Variants in RBPJ observed in about 807,000 individuals in gnomAD.
RBPJ encodes recombining binding protein suppressor of hairless.
RBPJ carries 9 observed loss-of-function variants against 67.8 expected under a neutral mutation model. The observed-to-expected ratio is 0.13, with a 90% CI of 0.08 to 0.23. The LOEUF is 0.23. Ranked by LOEUF, RBPJ falls within the 10% of genes least tolerant of loss-of-function variation. RBPJ has a pLI of 1.00. For missense variants in RBPJ, 305 were observed against 595.6 expected (o/e 0.51, Z 5.08); for synonymous variants, 198 against 203.3 (o/e 0.97, Z 0.22).
intron 1 of RBPJ, among the ~76,000 whole-genome samples, chr4:26,301,874 C>A (rs1355433260): frequency 6.6e-6 from 1 of 151,976 alleles, no homozygotes; most frequent in African/African-American, 2.4e-5. Context: ...CTCACTGCAA[C>A]CTCCACTTCC....
intron 1 of RBPJ, among the ~76,000 whole-genome samples, chr4:26,304,927 A>T (rs1411861195): frequency 2.0e-5 from 3 of 151,968 alleles, no homozygotes; most frequent in African/African-American, 7.3e-5. Flanking sequence ...CTAATCCAAG[A>T]TTATGAAGAT....
At chr4:26,318,557 A>G (rs1386953273), upstream of RBPJ, among the ~76,000 whole-genome samples, 1 of 152,244 alleles carries the variant, frequency 6.6e-6, no homozygotes, top group Non-Finnish European at 1.5e-5. Flanking sequence ...GGCTAAGAAG[A>G]GACTGACAAG....
At chr4:26,188,697 C>T (rs1388657922) in intron 1 of RBPJ, among the ~76,000 whole-genome samples, 4 of 152,140 alleles carry the variant, frequency 2.6e-5, no homozygotes, top group African/African-American at 9.7e-5. Flanking sequence ...TCAAATCAGT[C>T]AGCCAAATTA....
chr4:26,424,271 A>G lies in RBPJ; in HGVS notation c.497-71A>G. 6.9e-7 allele frequency: 1 copy of G among 1,442,898 alleles called. No individual in the cohort carries two copies. 89.4% of individuals were successfully genotyped at this position (1,442,898 alleles called of 1,614,324 possible). On this transcript the variant is annotated intron_variant, in intron 5 of 10. Transcript: ENST00000355476. The surrounding 1 kb of genome is among the most constrained non-coding windows in gnomAD (Gnocchi z 5.3). ...AGAATAATTATACACTGCCAAGCAG[A>G]ATTTCCTTCTTTTGCTCCCTCCCCA...
chr4:26,331,116 G>GT (rs910071564), intron 1 of RBPJ, among the ~76,000 whole-genome samples: 6 of 152,154 alleles, frequency 3.9e-5, no homozygotes, highest in African/African-American at 1.4e-4. Flanking sequence ...TTAGTCTTTT[G>GT]TTTTTGAAAC....
At chr4:26,176,582 T>C (rs990884914) in intron 1 of RBPJ, among the ~76,000 whole-genome samples, 25 of 152,168 alleles carry the variant, frequency 1.6e-4, no homozygotes, top group Non-Finnish European at 4.4e-5. Context: ...CTGTAAACAC[T>C]CAAGAAAAGC....
chr4:26,255,814 A>AG (rs1490452337), intron 1 of RBPJ, among the ~76,000 whole-genome samples: 11 of 151,454 alleles, frequency 7.3e-5, no homozygotes, highest in African/African-American at 2.7e-4. Flanking sequence ...AAAAAAAAAA[A>AG]AAAAGAAAAG....
At chr4:26,368,151 C>T (rs1184905072) in intron 1 of RBPJ, 2 of 152,078 alleles carry the variant, frequency 1.3e-5, no homozygotes, top group Non-Finnish European at 2.9e-5. Flanking sequence ...TGTTAACTAC[C>T]CTGATGATGG....
At chr4:26,319,899 G>A, upstream of RBPJ, 12 of 1,594,740 alleles carry the variant, frequency 7.5e-6, no homozygotes, top group Non-Finnish European at 1.0e-5. Flanking sequence ...GTAGGAGGAG[G>A]GGGCGGGATT....
intron 1 of RBPJ, among the ~76,000 whole-genome samples, chr4:26,270,426 AAAGAAAGAAAGAAGAAAGAAAGAAAG>A (rs1560237957): frequency 1.3e-3 from 74 of 58,414 alleles, no homozygotes; most frequent in African/African-American, 3.3e-3. Flanking sequence ...AGAAAGAAAG[AAAGAAAGAAAGAAGAAAGAAAGAAAG>A]AAAGAAAAGA....
At chr4:26,191,239 AGATAGAGAGAGAGAGAGG>A (rs1372081205) in intron 1 of RBPJ, among the ~76,000 whole-genome samples, 12 of 103,338 alleles carry the variant, frequency 1.2e-4, no homozygotes, top group African/African-American at 4.2e-4. Context: ...AGAGAGAGAG[AGATAGAGAGAGAGAGAGG>A]GAGAGAGGGA....
chr4:26,261,843 A>G (rs545259991), intron 1 of RBPJ, among the ~76,000 whole-genome samples: 2 of 152,390 alleles, frequency 1.3e-5, no homozygotes, highest in African/African-American at 4.8e-5. Flanking sequence ...TTGATTTGCC[A>G]TCATAAAAAA....
chr4:26,273,171 C>A (rs777750396), intron 1 of RBPJ, among the ~76,000 whole-genome samples: 3 of 152,172 alleles, frequency 2.0e-5, no homozygotes, highest in Non-Finnish European at 1.5e-5. Context: ...ATTGCCTCAG[C>A]CTCTTTTTTA....
chr4:26,246,271 C>T (rs1349618858), intron 1 of RBPJ, among the ~76,000 whole-genome samples: 2 of 152,128 alleles, frequency 1.3e-5, no homozygotes, highest in Non-Finnish European at 2.9e-5. Context: ...GTGTTTAGGA[C>T]TTGCACTGTT....
chr4:26,425,355 G>A (rs992613576), intron 7 of RBPJ, among the ~76,000 whole-genome samples: 1 of 152,104 alleles, frequency 6.6e-6, no homozygotes, highest in Non-Finnish European at 1.5e-5. Flanking sequence ...ACAGGTGAAG[G>A]CAGGAGAAGG....
At chr4:26,189,929 A>C (rs971002989) in intron 1 of RBPJ, among the ~76,000 whole-genome samples, 5 of 152,250 alleles carry the variant, frequency 3.3e-5, no homozygotes, top group East Asian at 3.9e-4. Flanking sequence ...TAAACACACA[A>C]GTTCCCCCAA....
At chr4:26,349,093 C>CGCGCGTGCGCGT (rs113326244) in intron 1 of RBPJ, among the ~76,000 whole-genome samples, 24 of 150,856 alleles carry the variant, frequency 1.6e-4, no homozygotes, top group Non-Finnish European at 3.0e-4. Context: ...TGTGTGCGCG[C>CGCGCGTGCGCGT]GCGCACGCAC....
chr4:26,108,539 G>A, the RBPJ span, among the ~76,000 whole-genome samples: 1 of 152,212 alleles, frequency 6.6e-6, no homozygotes, highest in Non-Finnish European at 1.5e-5. Context: ...CCACTTACAA[G>A]CTGCATGGTT....
At chr4:26,194,053 A>G (rs1041988900) in intron 1 of RBPJ, among the ~76,000 whole-genome samples, 1 of 152,092 alleles carries the variant, frequency 6.6e-6, no homozygotes, top group African/African-American at 2.4e-5. Context: ...TGATTATTAC[A>G]CCCAATTATC....
Sources: allele counts gnomAD v4.1 joint callset (sites outside exome capture counted in the v4.1 genomes callset), GRCh38; gene constraint gnomAD v4.1.1; non-coding constraint Gnocchi (gnomAD v3.1); transcripts MANE v1.5; gene names NCBI Gene and HGNC (gene_info 2026-07-23, HGNC 2026-07-21).